The following ANK3 variants were observed in gnomAD, a reference collection of about 807,000 sequenced individuals.
ANK3 encodes ankyrin 3, also known as ankyrin-3.
ANK3 carries 57 observed loss-of-function variants against 370.9 expected under a neutral mutation model. The observed-to-expected ratio is 0.15, with a 90% confidence interval of 0.12 to 0.19. ANK3 has a LOEUF of 0.19. Among genes scored for constraint, ANK3 ranks in the 10% least tolerant of loss-of-function variants. The pLI, the probability that ANK3 is intolerant of heterozygous loss-of-function variation, is 1.00. For missense variants in ANK3, 4,439 were observed against 5,302.1 expected, an observed-to-expected ratio of 0.84 and a Z score of 5.06; for synonymous variants, 1,929 against 1,946.3, an observed-to-expected ratio of 0.99 and a Z score of 0.23.
intron 23 of ANK3, among the ~76,000 whole-genome samples, chr10:60,157,082 G>A (rs1417524943): frequency 6.9e-6 from 1 of 145,916 alleles, no homozygotes; most frequent in African/African-American, 2.5e-5. Flanking sequence ...TTGTTGCCCA[G>A]GCTGGAGTGC....
At chr10:60,183,259 T>A (rs2096246757) in intron 17 of ANK3, among the ~76,000 whole-genome samples, 1 of 152,208 alleles carries the variant, frequency 6.6e-6, no homozygotes. Flanking sequence ...AAACTCTGTT[T>A]TCTTGCTTGT....
At chr10:60,712,035 A>G (rs755710604) in intron 1 of ANK3, among the ~76,000 whole-genome samples, 6 of 152,228 alleles carry the variant, frequency 3.9e-5, no homozygotes, top group Non-Finnish European at 7.3e-5. Context: ...TTGAGGGAAT[A>G]TGTCACCAGA....
At chr10:60,529,948 A>G (rs190087454) in intron 2 of ANK3, among the ~76,000 whole-genome samples, 6 of 152,320 alleles carry the variant, frequency 3.9e-5, no homozygotes, top group Admixed American at 3.9e-4. Flanking sequence ...CTCAAAAGGC[A>G]TTGAATAAAT....
intron 1 of ANK3, among the ~76,000 whole-genome samples, chr10:60,651,116 T>C (rs1247569130): frequency 6.6e-6 from 1 of 152,162 alleles, no homozygotes; most frequent in Non-Finnish European, 1.5e-5. Flanking sequence ...GATATTGTTT[T>C]ATATATATGT....
At chr10:60,175,307 G>C (rs1340935225) in intron 18 of ANK3, among the ~76,000 whole-genome samples, 1 of 152,176 alleles carries the variant, frequency 6.6e-6, no homozygotes, top group Non-Finnish European at 1.5e-5. Context: ...ATCAGATGTG[G>C]GCTCCTCCAT....
rs1057521794 is a variant in ANK3 at position 60,072,956 on chromosome 10, G to C, written c.7925C>G (p.Ser2642Cys). Reference sequence around the variant, plus strand: ...TCTTGCCTTAACCCACTCATCATTGGATGCCAGCAGTTCTGTCAGTAGCAC... The same window carrying C: ...TCTTGCCTTAACCCACTCATCATTGCATGCCAGCAGTTCTGTCAGTAGCAC... Reference protein sequence around the residue: ...EKVLLTELLASNDEWVKARQH... With the variant: ...EKVLLTELLACNDEWVKARQH... The change falls in exon 37 of 44, where the codon TCC becomes TGC. Residue 2642 changes from serine to cysteine, a missense_variant. Ser to Cys is a moderately radical substitution (Grantham distance 112). Transcript: ENST00000280772. The C allele has an allele frequency of 3.1e-6, 5 of 1,614,074 alleles. No homozygotes were observed. The highest frequency in any genetic ancestry group is 3.3e-5 in the Admixed American group (2 of 59,982).
At chr10:60,572,880 G>A in intron 2 of ANK3, 4 of 1,034,760 alleles carry the variant, frequency 3.9e-6, no homozygotes, top group Non-Finnish European at 4.6e-6. Context: ...TTTGAGCCTG[G>A]AAATGGTGAG....
At chr10:60,597,366 T>C (rs2078002293) in intron 2 of ANK3, among the ~76,000 whole-genome samples, 2 of 152,228 alleles carry the variant, frequency 1.3e-5, no homozygotes, top group Admixed American at 1.3e-4. Flanking sequence ...GGGATTCTGT[T>C]GCCTTGTTTA....
chr10:60,696,233 C>T (rs1371874080), intron 1 of ANK3, among the ~76,000 whole-genome samples: 27 of 150,334 alleles, frequency 1.8e-4, no homozygotes, highest in Middle Eastern at 3.4e-3. Context: ...AGACCAATAA[C>T]GGGCTCTGAA....
chr10:60,405,905 TAACAGCATGTTGGGAGAAAAAGC>T (rs1221234788), intron 2 of ANK3, among the ~76,000 whole-genome samples: 1 of 152,206 alleles, frequency 6.6e-6, no homozygotes, highest in East Asian at 1.9e-4. Flanking sequence ...AAAATTCTCC[TAACAGCATGTTGGGAGAAAAAGC>T]AACCAATACT....
At chr10:60,393,597 A>T (rs2063157052), upstream of ANK3, among the ~76,000 whole-genome samples, 1 of 152,196 alleles carries the variant, frequency 6.6e-6, no homozygotes, top group Non-Finnish European at 1.5e-5. Flanking sequence ...GTTCATTAGG[A>T]TGCCTTAAAG....
chr10:60,610,226 C>A (rs61853514), intron 2 of ANK3, among the ~76,000 whole-genome samples: 18,392 of 152,008 alleles, frequency 0.12, 1,570 homozygotes, highest in East Asian at 0.27. Flanking sequence ...AAGGAGGGCC[C>A]CTTTTGTAGA....
intron 1 of ANK3, among the ~76,000 whole-genome samples, chr10:60,671,177 A>T (rs2079060449): frequency 6.6e-6 from 1 of 152,218 alleles, no homozygotes; most frequent in East Asian, 1.9e-4. Flanking sequence ...ATTTGTATTA[A>T]CAATCCAACT....
At chr10:60,459,162 A>G (rs1204330896) in intron 2 of ANK3, among the ~76,000 whole-genome samples, 1 of 152,192 alleles carries the variant, frequency 6.6e-6, no homozygotes, top group Non-Finnish European at 1.5e-5. Flanking sequence ...AAGGATAGAC[A>G]TGTTATATAC....
chr10:60,350,480 A>G (rs1197481661), intron 1 of ANK3, among the ~76,000 whole-genome samples: 14 of 152,226 alleles, frequency 9.2e-5, no homozygotes, highest in Admixed American at 8.5e-4. Context: ...GATAAGAAGT[A>G]ATTTACAGAA....
intron 18 of ANK3, among the ~76,000 whole-genome samples, chr10:60,174,605 C>A (rs998021099): frequency 6.6e-6 from 1 of 152,032 alleles, no homozygotes; most frequent in African/African-American, 2.4e-5. Context: ...CCACGTGGAC[C>A]CAATATTTTT....
intron 2 of ANK3, among the ~76,000 whole-genome samples, chr10:60,510,606 G>C (rs1049179815): frequency 3.3e-5 from 5 of 152,090 alleles, no homozygotes; most frequent in African/African-American, 1.2e-4. Context: ...TTGAGGTCAA[G>C]AGTTTGAGAC....
intron 2 of ANK3, chr10:60,507,795 A>T (rs760224363): frequency 6.6e-6 from 1 of 152,038 alleles, no homozygotes; most frequent in East Asian, 1.9e-4. Flanking sequence ...CAGTCCTATA[A>T]TGTTTTTTAA....
chr10:60,130,164 T>A (rs1043231834), intron 25 of ANK3, among the ~76,000 whole-genome samples: 6 of 152,204 alleles, frequency 3.9e-5, no homozygotes, highest in African/African-American at 1.4e-4. Context: ...GGATTAGGAC[T>A]AAGTACTCAG....
Sources: gnomAD v4.1 joint callset for allele counts (sites outside exome capture counted in the v4.1 genomes callset) on GRCh38, gnomAD v4.1.1 for gene constraint, MANE v1.5 for transcripts, NCBI Gene and HGNC (gene_info 2026-07-23, HGNC 2026-07-21) for gene names.